DDX6: variants seen among roughly 807,000 people sequenced by gnomAD.
DDX6 encodes the protein probable ATP-dependent RNA helicase DDX6.
A neutral mutation model predicts 60.6 loss-of-function variants in DDX6; 7 were observed. The observed-to-expected ratio is 0.12, with a 90% CI of 0.07 to 0.22. The LOEUF is 0.22. Among genes scored for constraint, DDX6 ranks in the 10% least tolerant of loss-of-function variants. The pLI, the probability that DDX6 is intolerant of heterozygous loss-of-function variation, is 1.00. For missense variants in DDX6, 270 were observed against 589.9 expected (o/e 0.46, Z 5.62); for synonymous variants, 207 against 201.0 (o/e 1.03, Z -0.25).
chr11:118,750,148 AAAAAT>A lies in DDX6; in HGVS notation c.*1952_*1956del, dbSNP rs1555156843. 1 of 125,812 alleles carries A rather than the reference AAAAAT, an allele frequency of 7.9e-6. No homozygotes were observed. The highest frequency in any genetic ancestry group is 2.8e-5 in the African/African-American group (1 of 36,344). 7.8% of individuals were successfully genotyped at this position (125,812 alleles called of 1,614,324 possible). ...TATTTTGTAATATTTTAGGGTTTTGAAAAATAAAATATGGAAATCAATTTTTTTTA... is the reference window on the plus strand; with the variant it reads ...TATTTTGTAATATTTTAGGGTTTTGAAAAATATGGAAATCAATTTTTTTTA... On this transcript the variant is annotated 3_prime_UTR_variant, in exon 14 of 14. Transcript: ENST00000534980.
At chr11:118,770,742 G>T (rs2508929) in intron 4 of DDX6, among the ~76,000 whole-genome samples, 130,965 of 151,748 alleles carry the variant, frequency 0.86, 56,708 homozygotes, top group East Asian at 1. Flanking sequence ...ATACAAAAAT[G>T]GTCATGGTGC....
chr11:118,765,573 G>A (rs782569969), intron 5 of DDX6, among the ~76,000 whole-genome samples: 3 of 152,038 alleles, frequency 2.0e-5, no homozygotes, highest in Non-Finnish European at 2.9e-5. Context: ...TCAGGAGTTC[G>A]AGAGCAGCCT....
intron 1 of DDX6, among the ~76,000 whole-genome samples, chr11:118,790,657 T>C (rs148825904): frequency 2.1e-3 from 317 of 152,208 alleles, no homozygotes; most frequent in African/African-American, 7.4e-3. Flanking sequence ...ACTTAGCCTG[T>C]TCCTCCTGCC....
chr11:118,758,564 G>A (rs555289462), intron 9 of DDX6, among the ~76,000 whole-genome samples: 49 of 152,114 alleles, frequency 3.2e-4, no homozygotes, highest in Non-Finnish European at 5.4e-4. Context: ...GTAGAGATGG[G>A]GTTTCACCAT....
intron 9 of DDX6, among the ~76,000 whole-genome samples, chr11:118,758,005 C>T (rs1174210893): frequency 1.3e-5 from 2 of 152,154 alleles, no homozygotes; most frequent in African/African-American, 4.8e-5. Flanking sequence ...ACTTGAAAAA[C>T]ATGGCAGACT....
At position 118,748,117 on chromosome 11, in the gene DDX6, C is replaced by G. The variant is rs3741328; in HGVS notation, c.*3988G>C. 1 of 152,038 alleles carries G rather than the reference C, an allele frequency of 6.6e-6. No homozygotes were observed. Among genetic ancestry groups the G allele is most frequent in the Admixed American group, 6.6e-5 (1 of 15,264 alleles). The allele number at this position is 152,038 out of a possible 1,614,324, so 9.4% of individuals were successfully genotyped here. ...GAATAGTGACTTTGTTTTCTCCAGG[C>G]TCCCCTTCCCACACAACCAATGTAA... is the stretch of plus-strand genomic sequence containing the variant. On this transcript the variant is annotated 3_prime_UTR_variant, in exon 14 of 14. Transcript: ENST00000534980.
In DDX6 at chr11:118,747,834, T is replaced by C. The variant is rs948746638; in HGVS notation, c.*4271A>G. On this transcript the variant is annotated 3_prime_UTR_variant, in exon 14 of 14. Transcript: ENST00000534980. ...AGATTTTACCATATTTTTGGAACCT[T>C]ATAAACTCAGCAGACTCCGGTCCAT... 4 of 151,226 alleles carry C rather than the reference T, an allele frequency of 2.6e-5. No homozygotes were observed. The highest frequency in any genetic ancestry group is 4.4e-5 in the Non-Finnish European group (3 of 67,916). The allele number at this position is 151,226 out of a possible 1,614,324, so 9.4% of individuals were successfully genotyped here. A position where few individuals can be genotyped will look rare whatever the true frequency, so the allele number is the denominator to read the frequency against.
At chr11:118,781,947 G>A (rs1283552610) in intron 2 of DDX6, among the ~76,000 whole-genome samples, 4 of 145,598 alleles carry the variant, frequency 2.7e-5, no homozygotes, top group East Asian at 2.1e-4. Context: ...TAAGGTGGGC[G>A]CACACCTGTA....
At chr11:118,772,469 A>G (rs1262071264) in intron 4 of DDX6, among the ~76,000 whole-genome samples, 1 of 152,206 alleles carries the variant, frequency 6.6e-6, no homozygotes, top group Non-Finnish European at 1.5e-5. Flanking sequence ...AATGACAGAA[A>G]GTATACCAGT....
chr11:118,765,743 C>T (rs1264923189), intron 5 of DDX6, among the ~76,000 whole-genome samples: 1 of 151,368 alleles, frequency 6.6e-6, no homozygotes, highest in Non-Finnish European at 1.5e-5. Flanking sequence ...CACTGCACTC[C>T]AGCCTGGGCG....
chr11:118,761,861 GAAAA>G (rs11296874), intron 7 of DDX6, among the ~76,000 whole-genome samples: 1 of 134,024 alleles, frequency 7.5e-6, no homozygotes, highest in East Asian at 2.2e-4. Flanking sequence ...AAATTAAATG[GAAAA>G]AAAAAAAAAA....
intron 4 of DDX6, among the ~76,000 whole-genome samples, chr11:118,778,791 A>G (rs1861787984): frequency 6.6e-6 from 1 of 152,146 alleles, no homozygotes; most frequent in African/African-American, 2.4e-5. Context: ...AGAAGGCCAT[A>G]ATGTGATTTC....
intron 1 of DDX6, among the ~76,000 whole-genome samples, chr11:118,790,537 G>A (rs1862236614): frequency 6.6e-6 from 1 of 151,872 alleles, no homozygotes; most frequent in African/African-American, 2.4e-5. Context: ...TGTCCCTGCC[G>A]CCCCCTATAG....
intron 9 of DDX6, 26 bp downstream of exon 9, chr11:118,758,748 T>C (rs1201176510): frequency 3.1e-6 from 5 of 1,611,826 alleles, no homozygotes; most frequent in Non-Finnish European, 4.2e-6. Flanking sequence ...AGAGATAATA[T>C]TCAACAGCAG....
intron 1 of DDX6, chr11:118,788,833 ACAGG>A (rs1481889715): frequency 6.6e-6 from 1 of 151,704 alleles, no homozygotes; most frequent in Non-Finnish European, 1.5e-5. Context: ...TGGTGGGATT[ACAGG>A]TCTGGCTAAT....
chr11:118,757,612 T>C (rs1861022103), intron 9 of DDX6, among the ~76,000 whole-genome samples: 1 of 151,856 alleles, frequency 6.6e-6, no homozygotes, highest in Non-Finnish European at 1.5e-5. Context: ...TTTTGTGAAA[T>C]GGAGTTTCAC....
intron 5 of DDX6, chr11:118,767,961 T>C (rs1449769047): frequency 2.1e-5 from 7 of 333,380 alleles, no homozygotes; most frequent in African/African-American, 6.5e-5. Flanking sequence ...AGGGCACTAA[T>C]ACTTATTTTT....
intron 4 of DDX6, among the ~76,000 whole-genome samples, chr11:118,778,247 G>A (rs779175745): frequency 5.3e-5 from 8 of 152,116 alleles, no homozygotes; most frequent in Non-Finnish European, 1.2e-4. Flanking sequence ...TTTTAAAAAA[G>A]TATCATGCCA....
rs782188113 is a variant in DDX6 at position 118,763,287 on chromosome 11, G to A, written c.666C>T (p.Thr222=). The A allele has an allele frequency of 3.7e-5, 60 of 1,612,580 alleles. No homozygotes were observed. Among genetic ancestry groups the A allele is most frequent in the Admixed American group, 1.0e-4 (6 of 59,948 alleles). ...TAATAAGATCCAGGATTCTCCCAGG[G>A]GTAGCAATCACCACGTGCACTATGC... ...LDDTVHVVIA[T]PGRILDLIKK... is the part of the protein sequence containing the mutation. Residue 222 remains threonine (T), a synonymous_variant, in exon 7 of 14, where the codon ACC becomes ACT. Coordinates refer to ENST00000534980, the MANE Select transcript of DDX6 (RefSeq NM_004397.6).
Sources: allele counts gnomAD v4.1 joint callset (sites outside exome capture counted in the v4.1 genomes callset), GRCh38; gene constraint gnomAD v4.1.1; transcripts MANE v1.5; gene names NCBI Gene and HGNC (gene_info 2026-07-23, HGNC 2026-07-21).